The following F9 variants were observed in gnomAD, a reference collection of about 807,000 sequenced individuals.
The protein encoded by F9 is Christmas factor.
A neutral mutation model predicts 34.1 loss-of-function variants in F9; 2 were observed. The observed-to-expected ratio is 0.06, with a 90% CI of 0.02 to 0.18. The LOEUF is 0.18. F9 is among the 10% of genes least tolerant of loss of function. F9 has a pLI of 1.00. For synonymous variants in F9, 137 were observed against 118.8 expected, an observed-to-expected ratio of 1.15 and a Z score of -1.00; for missense variants, 216 against 345.1, an observed-to-expected ratio of 0.63 and a Z score of 2.96.
At chrX:139,545,927 A>T (rs866176756) in intron 4 of F9, among the ~76,000 whole-genome samples, 4 of 104,706 alleles carry the variant, frequency 3.8e-5, no homozygotes, top group African/African-American at 1.5e-4. Flanking sequence ...TCTTTTTTTT[A>T]AATGTTTTAT....
At chrX:139,542,991 G>T (rs1454944915) in intron 4 of F9, among the ~76,000 whole-genome samples, 1 of 110,707 alleles carries the variant, frequency 9.0e-6, no homozygotes. Flanking sequence ...CCCACAAATT[G>T]CTCTTTATCT....
chrX:139,537,273 T>C (rs1300820648), intron 2 of F9, 89 bp from the exon 3 acceptor site: 1 of 1,093,575 alleles, frequency 9.1e-7, no homozygotes, highest in Non-Finnish European at 1.3e-6. Flanking sequence ...CATATATATT[T>C]ATGTATGTTA....
In F9 at chrX:139,548,344, T is replaced by A. The variant is rs1394969749; in HGVS notation, c.392-19T>A. ...TGCATGTTAAATGATGCTGTTACTG[T>A]CTATTTTGCTTCTTTTAGATGTAAC... On this transcript the variant is annotated intron_variant, in intron 4 of 7. Transcript: ENST00000218099. 8.3e-7 allele frequency: 1 copy of A among 1,207,358 alleles called. No individual in the cohort carries two copies. Among genetic ancestry groups the A allele is most frequent in the South Asian group, 1.8e-5 (1 of 56,852 alleles).
In F9 at chrX:139,562,050, G is replaced by A. The variant is rs1928133934; in HGVS notation, c.1365G>A (p.Lys455=). The change falls in exon 8 of 8, where the codon AAG becomes AAA. Residue 455 remains lysine (K), a synonymous_variant. Coordinates refer to ENST00000218099, the MANE Select transcript of F9 (RefSeq NM_000133.4). ...TATCCCGGTATGTCAACTGGATTAA[G>A]GAAAAAACAAAGCTCACTTAATGAA... ...TKVSRYVNWI[K]EKTKLT is the part of the protein sequence containing the mutation. 6.6e-6 allele frequency: 8 copies of A among 1,208,904 alleles called. No homozygotes were observed. The highest frequency in any genetic ancestry group is 7.8e-6 in the Non-Finnish European group (7 of 894,622).
rs1013703577 is a variant in F9, at chrX:139,562,835, GAGTTA to G, written c.*770_*774del. The G allele has an allele frequency of 5.8e-5, 6 of 103,749 alleles. No individual in the cohort carries two copies. Among genetic ancestry groups the G allele is most frequent in the Admixed American group, 2.1e-4 (2 of 9,373 alleles). 8.6% of individuals were successfully genotyped at this position (103,749 alleles called of 1,213,427 possible). On this transcript the variant is annotated 3_prime_UTR_variant, in exon 8 of 8. Transcript: ENST00000218099. ...GTTTGGGGGAAAAGTTTCTTTCAGA[GAGTTA>G]AGTTATTTTATATATATAATATATA...
intron 3 of F9, 59 bp from the exon 4 acceptor site, chrX:139,541,017 G>C: frequency 1.2e-6 from 1 of 864,131 alleles, no homozygotes; most frequent in Non-Finnish European, 1.7e-6. Flanking sequence ...ATCTACAGGG[G>C]AGGACCGGGC....
At chrX:139,551,834 G>A (rs748443172) in intron 6 of F9, among the ~76,000 whole-genome samples, 2 of 111,233 alleles carry the variant, frequency 1.8e-5, no homozygotes, top group Non-Finnish European at 3.8e-5. Context: ...GAATATCTAG[G>A]GGGTGGGGCC....
At chrX:139,530,983 G>A (rs1248591764) in intron 1 of F9, 131 bp downstream of exon 1, 6 of 569,504 alleles carry the variant, frequency 1.1e-5, no homozygotes, top group Non-Finnish European at 1.8e-5. Context: ...CAGCCAGCAC[G>A]CAGGTTGGTA....
intron 1 of F9, among the ~76,000 whole-genome samples, chrX:139,535,855 T>C (rs1969587513): frequency 9.0e-6 from 1 of 110,510 alleles, no homozygotes; most frequent in South Asian, 3.8e-4. Flanking sequence ...CATAATAGAG[T>C]GTACTTACCT....
chrX:139,559,790 C>T (rs867953828), intron 6 of F9, among the ~76,000 whole-genome samples: 6 of 111,755 alleles, frequency 5.4e-5, no homozygotes, highest in Non-Finnish European at 7.5e-5. Context: ...CAAGGGCAGT[C>T]GTTCAGAACT....
intron 1 of F9, among the ~76,000 whole-genome samples, chrX:139,532,681 G>A (rs1927370247): frequency 8.9e-6 from 1 of 111,825 alleles, no homozygotes; most frequent in Non-Finnish European, 1.9e-5. Flanking sequence ...GGAAACAATT[G>A]ATAGAGAGAG....
At chrX:139,537,276 G>A in intron 2 of F9, 86 bp from the exon 3 acceptor site, 4 of 1,092,735 alleles carry the variant, frequency 3.7e-6, no homozygotes, top group Non-Finnish European at 5.0e-6. Flanking sequence ...ATATATTTAT[G>A]TATGTTAAAT....
At chrX:139,542,932 T>C (rs1927636031) in intron 4 of F9, among the ~76,000 whole-genome samples, 1 of 111,195 alleles carries the variant, frequency 9.0e-6, no homozygotes, top group Non-Finnish European at 1.9e-5. Context: ...CTGATCAAGG[T>C]TTAGAAAAAT....
At chrX:139,531,762 G>C (rs73588069) in intron 1 of F9, among the ~76,000 whole-genome samples, 111 of 112,169 alleles carry the variant, frequency 9.9e-4, no homozygotes, top group African/African-American at 3.3e-3. Context: ...ACCAGGATCA[G>C]GGGTGCCAAC....
chrX:139,560,799 G>T lies in F9; in HGVS notation c.782G>T (p.Trp261Leu). Residue 261 changes from tryptophan to leucine, a missense_variant, in exon 7 of 8, where the codon TGG (tryptophan) becomes TTG (leucine). Trp to Leu is a moderately conservative substitution (Grantham distance 61). Coordinates refer to ENST00000218099, the MANE Select transcript of F9 (RefSeq NM_000133.4). The stretch of plus-strand genomic sequence containing the variant: ...GGAGGCTCTATCGTTAATGAAAAAT[G>T]GATTGTAACTGCTGCCCACTGTGTT... Reference protein sequence around the residue: ...FCGGSIVNEKWIVTAAHCVET... With the variant: ...FCGGSIVNEKLIVTAAHCVET... 8.3e-7 allele frequency: 1 copy of T among 1,210,516 alleles called. No homozygotes were observed. Among genetic ancestry groups the T allele is most frequent in the Non-Finnish European group, 1.1e-6 (1 of 894,455 alleles).
At chrX:139,536,214 C>CATATATATGT (rs1569481877) in intron 1 of F9, among the ~76,000 whole-genome samples, 6 of 72,590 alleles carry the variant, frequency 8.3e-5, no homozygotes, top group African/African-American at 3.1e-4. Context: ...TATATACACA[C>CATATATATGT]ACATATATAT....
At chrX:139,559,560 T>C (rs1845088455) in intron 6 of F9, among the ~76,000 whole-genome samples, 2 of 110,141 alleles carry the variant, frequency 1.8e-5, no homozygotes, top group South Asian at 3.9e-4. Flanking sequence ...AGCCAGAGTA[T>C]GAAAAAGGAA....
chrX:139,536,122 A>G (rs748893079), intron 1 of F9, among the ~76,000 whole-genome samples: 131 of 107,326 alleles, frequency 1.2e-3, no homozygotes, highest in African/African-American at 4.2e-3. Context: ...TATCTCATAT[A>G]TATATATATA....
chrX:139,552,755 C>A (rs1475470428), intron 6 of F9, among the ~76,000 whole-genome samples: 1 of 112,314 alleles, frequency 8.9e-6, no homozygotes, highest in Non-Finnish European at 1.9e-5. Flanking sequence ...TAACTTAAAA[C>A]TCCCTAGTTG....
Sources: allele counts gnomAD v4.1 joint callset (sites outside exome capture counted in the v4.1 genomes callset), GRCh38; gene constraint gnomAD v4.1.1; transcripts MANE v1.5; gene names NCBI Gene and HGNC (gene_info 2026-07-23, HGNC 2026-07-21).